The following KCNN4 variants were observed in gnomAD, a reference collection of about 807,000 sequenced individuals.
KCNN4 encodes potassium calcium-activated channel subfamily N member 4.
A neutral mutation model predicts 45.2 loss-of-function variants in KCNN4; 31 were observed. The ratio of observed to expected loss-of-function variants is 0.69; its 90% CI spans 0.52 to 0.92. The LOEUF is 0.92. Ranked by LOEUF, KCNN4 falls within the 40% of genes least tolerant of loss-of-function variation. The probability of loss-of-function intolerance (pLI) is 0.00; values close to 1 mark genes in which losing one functional copy is unlikely to be tolerated. For synonymous variants in KCNN4, 231 were observed against 254.6 expected (o/e 0.91, Z 0.88); for missense variants, 463 against 574.0 (o/e 0.81, Z 1.98).
chr19:43,776,717 A>ATTTT (rs373080093), intron 1 of KCNN4, 81 bp from the exon 2 acceptor site: 20 of 673,606 alleles, frequency 3.0e-5, no homozygotes, highest in African/African-American at 2.6e-4. Flanking sequence ...CAAAACCACC[A>ATTTT]TTTTTTTTTT....
chr19:43,774,431 C>T lies in KCNN4; in HGVS notation c.444G>A (p.Gly148=), dbSNP rs1441373211. 1.9e-5 allele frequency: 31 copies of T among 1,596,486 alleles called. No individual in the cohort carries two copies. Among genetic ancestry groups the T allele is most frequent in the Non-Finnish European group, 2.6e-5 (31 of 1,171,706 alleles). ...GCATGGCCAGGGACAGCAGCGCTTC[C>T]CCTTGGCCCAGGAATCCCGGCCAGG... is the stretch of plus-strand genomic sequence containing the variant. The part of the protein sequence containing the change: ...PQPWPGFLGQ[G]EALLSLAMLL... Residue 148 remains glycine, a synonymous_variant, in exon 3 of 9, where the codon GGG becomes GGA. Coordinates refer to ENST00000648319, the MANE Select transcript of KCNN4 (RefSeq NM_002250.3). The surrounding 1 kb of genome is among the most constrained non-coding windows in gnomAD (Gnocchi z 5.6).
Position 43,780,459 on chromosome 19 carries a change from C to T in KCNN4, c.159+244G>A, listed in dbSNP as rs1220666084. On this transcript the variant is annotated intron_variant, in intron 1 of 8. Transcript: ENST00000648319. ...CCCTCAGACCCAGGAGTCCTGACCC[C>T]CAGCCCCTCCTCCCTCAGACCCAGG... 2.1e-3 allele frequency among the ~76,000 whole-genome samples: 263 copies of T among 124,350 alleles called. 10 individuals carry two copies. The highest frequency in any genetic ancestry group is 9.1e-3 in the African/African-American group (243 of 26,780). 81.6% of individuals were successfully genotyped at this position (124,350 alleles called of 152,430 possible).
chr19:43,771,666 C>A (rs1382793328), intron 4 of KCNN4, among the ~76,000 whole-genome samples: 1 of 152,114 alleles, frequency 6.6e-6, no homozygotes, highest in Non-Finnish European at 1.5e-5. Flanking sequence ...GACTTAGGGG[C>A]TGGATTCCTA....
In KCNN4 at chr19:43,774,750, G is replaced by C. The variant is rs1969751099; in HGVS notation, c.256-131C>G. 1 of 698,860 alleles carries C rather than the reference G, an allele frequency of 1.4e-6. No individual in the cohort carries two copies. The highest frequency in any genetic ancestry group is 1.9e-5 in the African/African-American group (1 of 51,894). The allele number at this position is 698,860 out of a possible 1,614,324, so 43.3% of individuals were successfully genotyped here. A position where few individuals can be genotyped will look rare whatever the true frequency, so the allele number is the denominator to read the frequency against. ...GGCCAGGAGGGAGGGAGTGCAGGGCGGGAGAGGGATAGGGAGGGAGCGGGA... is the reference window on the plus strand; with the variant it reads ...GGCCAGGAGGGAGGGAGTGCAGGGCCGGAGAGGGATAGGGAGGGAGCGGGA... On this transcript the variant is annotated intron_variant, in intron 2 of 8. Transcript: ENST00000648319. This position sits in a 1 kb window ranked among gnomAD's most constrained non-coding sequence, Gnocchi z 5.6.
chr19:43,780,668 G>A, intron 1 of KCNN4, 35 bp downstream of exon 1: 1 of 1,287,198 alleles, frequency 7.8e-7, no homozygotes, highest in Non-Finnish European at 1.0e-6. Flanking sequence ...CTCAGACCTA[G>A]GAGTCCCAGC....
In KCNN4 at chr19:43,774,732, A is replaced by T; in HGVS notation, c.256-113T>A. ...AAGTGGGGTGTGCCGCCTGGCCAGGAGGGAGGGAGTGCAGGGCGGGAGAGG... is the reference window on the plus strand; with the variant it reads ...AAGTGGGGTGTGCCGCCTGGCCAGGTGGGAGGGAGTGCAGGGCGGGAGAGG... On this transcript the variant is annotated intron_variant, in intron 2 of 8. Coordinates refer to ENST00000648319, the MANE Select transcript of KCNN4 (RefSeq NM_002250.3). This position sits in a 1 kb window ranked among gnomAD's most constrained non-coding sequence, Gnocchi z 5.6. 1.2e-6 allele frequency: 1 copy of T among 820,408 alleles called. No homozygotes were observed. The highest frequency in any genetic ancestry group is 1.8e-6 in the Non-Finnish European group (1 of 565,152). 50.8% of individuals were successfully genotyped at this position (820,408 alleles called of 1,614,324 possible).
intron 4 of KCNN4, among the ~76,000 whole-genome samples, chr19:43,771,037 G>T (rs1025173050): frequency 6.6e-6 from 1 of 152,158 alleles, no homozygotes; most frequent in East Asian, 1.9e-4. Context: ...CCCACATCTG[G>T]GCTAGGTGCT....
intron 2 of KCNN4, among the ~76,000 whole-genome samples, chr19:43,775,509 G>C (rs1969775917): frequency 6.6e-6 from 1 of 152,158 alleles, no homozygotes; most frequent in Admixed American, 6.5e-5. Context: ...CCTTCCATGG[G>C]CAATGGCGCA....
At chr19:43,775,762 T>C (rs568354628) in intron 2 of KCNN4, among the ~76,000 whole-genome samples, 70 of 151,546 alleles carry the variant, frequency 4.6e-4, no homozygotes, top group Non-Finnish European at 7.8e-4. Context: ...GGGGTATGGA[T>C]GGGGAGAGCT....
Position 43,774,112 on chromosome 19 carries a change from C to A in KCNN4, c.683+80G>T. ...TCCACTGCTTGGTCCTAGGGGGCCT[C>A]AACCTGCACCGCGGCACAGGACGGC... is the stretch of plus-strand genomic sequence containing the variant. On this transcript the variant is annotated intron_variant, in intron 3 of 8. Transcript: ENST00000648319. The surrounding 1 kb of genome is among the most constrained non-coding windows in gnomAD (Gnocchi z 5.6). 2 of 1,435,932 alleles carry A rather than the reference C, an allele frequency of 1.4e-6. No individual in the cohort carries two copies. The highest frequency in any genetic ancestry group is 2.7e-5 in the South Asian group (2 of 74,058). The allele number at this position is 1,435,932 out of a possible 1,614,324, so 88.9% of individuals were successfully genotyped here.
rs1969656874 is a variant in KCNN4 at position 43,771,992 on chromosome 19, G to T, written c.819+8C>A. 2 of 1,602,744 alleles carry T rather than the reference G, an allele frequency of 1.2e-6. No individual in the cohort carries two copies. The highest frequency in any genetic ancestry group is 1.8e-5 in the Admixed American group (1 of 57,064). On this transcript the variant is annotated splice_region_variant and intron_variant, in intron 4 of 8. Coordinates refer to ENST00000648319, the MANE Select transcript of KCNN4 (RefSeq NM_002250.3). ...TAGGGATCATGTCCCCAAGGCAGCT[G>T]TACTCACCATGACTCCAGTGCACAG...
chr19:43,777,096 C>T (rs1009381931), intron 1 of KCNN4, among the ~76,000 whole-genome samples: 6 of 151,990 alleles, frequency 3.9e-5, no homozygotes, highest in Non-Finnish European at 5.9e-5. Context: ...AACAAGCAAG[C>T]AAGCAAACAA....
Position 43,774,572 on chromosome 19 carries a change from G to C in KCNN4, c.303C>G (p.Thr101=). 6.5e-7 allele frequency: 1 copy of C among 1,542,452 alleles called. No individual in the cohort carries two copies. Among genetic ancestry groups the C allele is most frequent in the Non-Finnish European group, 8.7e-7 (1 of 1,154,730 alleles). Residue 101 remains threonine (T), a synonymous_variant, in exon 3 of 9, where the codon ACC becomes ACG. Coordinates refer to ENST00000648319, the MANE Select transcript of KCNN4 (RefSeq NM_002250.3). This position sits in a 1 kb window ranked among gnomAD's most constrained non-coding sequence, Gnocchi z 5.6. ...NGLRDWRVAL[T]GRQAAQIVLE... is the part of the protein sequence containing the mutation. Reference sequence around the variant, plus strand: ...GCACGATCTGCGCCGCCTGCCGCCCGGTCAGCGCCACGCGCCAGTCCCGCA... The same window carrying C: ...GCACGATCTGCGCCGCCTGCCGCCCCGTCAGCGCCACGCGCCAGTCCCGCA...
In KCNN4 at chr19:43,767,613, G is replaced by A. The variant is rs1278907816; in HGVS notation, c.1214C>T (p.Ala405Val). Residue 405 changes from alanine (A) to valine (V), a missense_variant, in exon 8 of 9, where the codon GCC becomes GTC. By Grantham distance (64) the Ala-to-Val change is moderately conservative (BLOSUM62 0). This residue lies in a region of KCNN4 where 129 missense variants were observed against 149.4 expected (regional missense o/e 0.86). Coordinates refer to ENST00000648319, the MANE Select transcript of KCNN4 (RefSeq NM_002250.3). ...QIDTLAGKLDALTELLSTALG... is the reference protein window; with the variant it reads ...QIDTLAGKLDVLTELLSTALG... ...GGCAGTGCTAAGCAGCTCAGTCAGG[G>A]CATCCAGCTTCCCCGCCAGCGTGTC... 6.2e-7 allele frequency: 1 copy of A among 1,614,016 alleles called. No homozygotes were observed. The highest frequency in any genetic ancestry group is 8.5e-7 in the Non-Finnish European group (1 of 1,180,048).
At position 43,774,307 on chromosome 19, in the gene KCNN4, A is replaced by AG. The variant is rs1194886317; in HGVS notation, c.567dup (p.Phe190LeufsTer43). 4 of 1,612,222 alleles carry AG rather than the reference A, an allele frequency of 2.5e-6. No homozygotes were observed. The African/African-American group carries it at 5.3e-5, about 22-fold the overall frequency. On this transcript the variant is annotated frameshift_variant, in exon 3 of 9. Transcript: ENST00000648319. LOFTEE classifies it high-confidence loss of function. The surrounding 1 kb of genome is among the most constrained non-coding windows in gnomAD (Gnocchi z 5.6). ...AGCTTGGCCACGAACCAGTGGCGGA[A>AG]GCGGACTTGATTGAGAGCGCCGATG...
At position 43,769,946 on chromosome 19, in the gene KCNN4, G is replaced by A; in HGVS notation, c.820-117C>T. The stretch of plus-strand genomic sequence containing the variant: ...CCCCAGTTAGCAGACAAGCAAAGAG[G>A]CTCAGAGAGGAGAGCCAAGGTCCCA... On this transcript the variant is annotated intron_variant, in intron 4 of 8. Coordinates refer to ENST00000648319, the MANE Select transcript of KCNN4 (RefSeq NM_002250.3). This position sits in a 1 kb window ranked among gnomAD's most constrained non-coding sequence, Gnocchi z 4.4. 2.9e-6 allele frequency: 2 copies of A among 679,002 alleles called. No individual in the cohort carries two copies. The highest frequency in any genetic ancestry group is 5.1e-6 in the Non-Finnish European group (2 of 388,576). The allele number at this position is 679,002 out of a possible 1,614,324, so 42.1% of individuals were successfully genotyped here. A position where few individuals can be genotyped will look rare whatever the true frequency, so the allele number is the denominator to read the frequency against.
At chr19:43,780,453 TGAC>T (rs1568396910) in intron 1 of KCNN4, among the ~76,000 whole-genome samples, 41 of 21,648 alleles carry the variant, frequency 1.9e-3, no homozygotes, top group Admixed American at 6.5e-3. Flanking sequence ...CCAGGAGTCC[TGAC>T]CCCCAGCCCC....
rs1283088843 is a variant in KCNN4, at chr19:43,774,310, G to A, written c.565C>T (p.Arg189Cys). ...TTGGCCACGAACCAGTGGCGGAAGC[G>A]GACTTGATTGAGAGCGCCGATGCTG... is the stretch of plus-strand genomic sequence containing the variant. ...YRSIGALNQV[R>C]FRHWFVAKLY... The change falls in exon 3 of 9, where the codon CGC becomes TGC. Residue 189 changes from arginine to cysteine, a missense_variant. Arg to Cys is a radical substitution (Grantham distance 180, BLOSUM62 -3). Around this residue, in one of 3 missense-constraint regions of KCNN4, gnomAD observed 109 missense variants for 183.7 expected, o/e 0.59. Coordinates refer to ENST00000648319, the MANE Select transcript of KCNN4 (RefSeq NM_002250.3). This position sits in a 1 kb window ranked among gnomAD's most constrained non-coding sequence, Gnocchi z 5.6. 1 of 1,612,146 alleles carries A rather than the reference G, an allele frequency of 6.2e-7. No individual in the cohort carries two copies. Among genetic ancestry groups the A allele is most frequent in the Non-Finnish European group, 8.5e-7 (1 of 1,179,150 alleles).
intron 4 of KCNN4, among the ~76,000 whole-genome samples, chr19:43,770,177 C>T (rs1030080770): frequency 7.2e-5 from 11 of 152,118 alleles, no homozygotes; most frequent in African/African-American, 2.7e-4. Context: ...GACCATCCTT[C>T]TCCCACTCCC....
Sources: gnomAD v4.1 joint callset for allele counts (sites outside exome capture counted in the v4.1 genomes callset) on GRCh38, gnomAD v4.1.1 for gene constraint, gnomAD v4.1.1 regional missense constraint, Gnocchi (gnomAD v3.1) non-coding constraint, MANE v1.5 for transcripts, NCBI Gene and HGNC (gene_info 2026-07-23, HGNC 2026-07-21) for gene names.